Variants in CDK13 observed in about 807,000 individuals in gnomAD.
CDK13 encodes cyclin dependent kinase 13, also known as cyclin-dependent kinase 13.
In CDK13, 40 loss-of-function variants were observed where a neutral mutation model predicts 137.6. The observed-to-expected ratio is 0.29, with a 90% CI of 0.23 to 0.38. The LOEUF is 0.38. Ranked by LOEUF, CDK13 falls within the 10% of genes least tolerant of loss-of-function variation. CDK13 has a pLI of 1.00. For missense variants in CDK13, 1,704 were observed against 1,951.8 expected (o/e 0.87, Z 2.39); for synonymous variants, 869 against 760.1 (o/e 1.14, Z -2.36).
At chr7:39,973,832 GAA>G (rs1032659522) in intron 1 of CDK13, among the ~76,000 whole-genome samples, 1 of 152,192 alleles carries the variant, frequency 6.6e-6, no homozygotes, top group African/African-American at 2.4e-5. Context: ...ACCATTTGTT[GAA>G]AAGAGTATTC....
intron 5 of CDK13, among the ~76,000 whole-genome samples, chr7:40,015,585 G>A (rs1465287615): frequency 6.6e-6 from 1 of 152,090 alleles, no homozygotes; most frequent in Non-Finnish European, 1.5e-5. Context: ...GTAAAGTTTA[G>A]CTTGGTAGTA....
At chr7:39,952,958 C>T (rs1000425440) in intron 1 of CDK13, 3 of 152,122 alleles carry the variant, frequency 2.0e-5, no homozygotes, top group African/African-American at 7.2e-5. Context: ...TTTGGACATT[C>T]CAGACCTTAT....
rs570882348 is a variant in CDK13 at position 40,022,496 on chromosome 7, C to T, written c.2353+20465C>T. On this transcript the variant is annotated intron_variant, in intron 5 of 13. Transcript: ENST00000181839. The stretch of plus-strand genomic sequence containing the variant: ...AATGTTGAAATAAGATCCCTGAATA[C>T]TTTTAAAAGAAATATTGTAACAAAT... Among the ~76,000 whole-genome samples, 653 of 152,102 alleles carry T rather than the reference C, an allele frequency of 4.3e-3. 2 individuals are homozygous for T. Among genetic ancestry groups the T allele is most frequent in the Middle Eastern group, 6.8e-3 (2 of 294 alleles).
intron 1 of CDK13, among the ~76,000 whole-genome samples, chr7:39,955,475 G>A (rs1787378763): frequency 6.6e-6 from 1 of 151,830 alleles, no homozygotes; most frequent in South Asian, 2.1e-4. Flanking sequence ...AAAGAACATG[G>A]GCCACTTACC....
chr7:40,042,198 CCTCCCGAGTAG>C (rs1252495404), intron 5 of CDK13, among the ~76,000 whole-genome samples: 1 of 151,980 alleles, frequency 6.6e-6, no homozygotes, highest in Non-Finnish European at 1.5e-5. Flanking sequence ...TCCTCGTCAG[CCTCCCGAGTAG>C]CTGGGATTAC....
At chr7:39,995,325 T>G (rs1389277515) in intron 2 of CDK13, among the ~76,000 whole-genome samples, 2 of 152,196 alleles carry the variant, frequency 1.3e-5, no homozygotes, top group Non-Finnish European at 2.9e-5. Flanking sequence ...AATGTTGATT[T>G]GAATCTTCAA....
At chr7:40,060,640 A>G (rs1332283011) in intron 7 of CDK13, among the ~76,000 whole-genome samples, 1 of 152,232 alleles carries the variant, frequency 6.6e-6, no homozygotes, top group Non-Finnish European at 1.5e-5. Context: ...ACAGGTAAGT[A>G]TGATGTAAAT....
intron 5 of CDK13, among the ~76,000 whole-genome samples, chr7:40,038,142 A>G (rs979597412): frequency 2.0e-5 from 3 of 152,058 alleles, no homozygotes; most frequent in African/African-American, 7.2e-5. Context: ...ATGGGTAACT[A>G]TTTTAAATGT....
intron 11 of CDK13, among the ~76,000 whole-genome samples, chr7:40,087,296 T>A (rs1786810679): frequency 6.6e-6 from 1 of 151,828 alleles, no homozygotes; most frequent in Non-Finnish European, 1.5e-5. Context: ...GTGCACAACA[T>A]CATGCCCAAC....
intron 11 of CDK13, among the ~76,000 whole-genome samples, chr7:40,085,270 A>G (rs1786763802): frequency 6.6e-6 from 1 of 151,948 alleles, no homozygotes. Flanking sequence ...CTGAGGCAGG[A>G]GAATTGCTTG....
intron 1 of CDK13, among the ~76,000 whole-genome samples, chr7:39,965,208 A>ATCTGTCTAACACCCC (rs1783840670): frequency 2.0e-5 from 3 of 152,126 alleles, no homozygotes. Context: ...TGATCTGTCT[A>ATCTGTCTAACACCCC]ATGTTGACAG....
At chr7:39,985,422 T>A (rs1784316588) in intron 1 of CDK13, 1 of 157,176 alleles carries the variant, frequency 6.4e-6, no homozygotes, top group African/African-American at 2.4e-5. Flanking sequence ...TGAATAGTGC[T>A]GCAATAAACA....
chr7:40,021,105 A>G (rs1282943521), intron 5 of CDK13, among the ~76,000 whole-genome samples: 1 of 14,882 alleles, frequency 6.7e-5, no homozygotes, highest in African/African-American at 1.1e-4. Flanking sequence ...AAACAAACGT[A>G]TATATATATA....
intron 5 of CDK13, among the ~76,000 whole-genome samples, chr7:40,027,775 A>G (rs1169212876): frequency 1.3e-5 from 2 of 149,620 alleles, no homozygotes; most frequent in Non-Finnish European, 2.9e-5. Flanking sequence ...GGAGCCTTAC[A>G]GTTCTCTTAC....
Position 40,027,617 on chromosome 7 carries a change from C to T in CDK13, c.2354-18219C>T, listed in dbSNP as rs751703388. Among the ~76,000 whole-genome samples, 131 of 150,842 alleles carry T rather than the reference C, an allele frequency of 8.7e-4. 1 individual carries two copies. The highest frequency in any genetic ancestry group is 9.7e-4 in the East Asian group (5 of 5,142). On this transcript the variant is annotated intron_variant, in intron 5 of 13. Transcript: ENST00000181839. ...GTATTTGACATGTTTTGGGGCCACC[C>T]ACCACTGGTTTACCTTACTTTCTAT... is the stretch of plus-strand genomic sequence containing the variant.
chr7:40,049,001 G>T lies in CDK13; in HGVS notation c.2600+1124G>T, dbSNP rs1176252239. ...GCGGATCACTTGAGGGTCAGCACTT[G>T]GAGACCAGCCTGGCCAACATGGTGA... On this transcript the variant is annotated intron_variant, in intron 7 of 13. Transcript: ENST00000181839. 2.0e-5 allele frequency: 3 copies of T among 150,666 alleles called. 1 individual carries two copies. Among genetic ancestry groups the T allele is most frequent in the African/African-American group, 7.5e-5 (3 of 40,102 alleles). The allele number at this position is 150,666 out of a possible 1,614,324, so 9.3% of individuals were successfully genotyped here.
chr7:40,053,591 A>AT (rs559920580), intron 7 of CDK13, among the ~76,000 whole-genome samples: 366 of 149,992 alleles, frequency 2.4e-3, no homozygotes, highest in Non-Finnish European at 4.4e-3. Flanking sequence ...AGTTTGACAA[A>AT]TTTTTTTTTT....
Position 40,063,110 on chromosome 7 carries a change from T to C in CDK13, c.2780+10T>C, listed in dbSNP as rs901431783. The C allele has an allele frequency of 6.3e-7, 1 of 1,585,572 alleles. No homozygotes were observed. The highest frequency in any genetic ancestry group is 8.7e-7 in the Non-Finnish European group (1 of 1,153,988). ...AACTAGAATTAATAAGGTAAGCTGC[T>C]GATTATAATATTGGTGGGAATTGGG... On this transcript the variant is annotated intron_variant, in intron 9 of 13. Transcript: ENST00000181839.
rs1787085792 is a variant in CDK13 at position 40,098,368 on chromosome 7, CTTTT to C, written c.*3391_*3394del. 2 of 151,466 alleles carry C rather than the reference CTTTT, an allele frequency of 1.3e-5. No individual in the cohort carries two copies. The highest frequency in any genetic ancestry group is 4.8e-5 in the African/African-American group (2 of 41,368). The allele number at this position is 151,466 out of a possible 1,614,324, so 9.4% of individuals were successfully genotyped here. A position where few individuals can be genotyped will look rare whatever the true frequency, so the allele number is the denominator to read the frequency against. ...TTTCATCCTAGGGCTTTTTGTTTTC[CTTTT>C]TTATTTTTATTTTTTCTTTTTTTAG... On this transcript the variant is annotated 3_prime_UTR_variant, in exon 14 of 14. Transcript: ENST00000181839.
Sources: gnomAD v4.1 joint callset for allele counts (sites outside exome capture counted in the v4.1 genomes callset) on GRCh38, gnomAD v4.1.1 for gene constraint, MANE v1.5 for transcripts, NCBI Gene and HGNC (gene_info 2026-07-23, HGNC 2026-07-21) for gene names.